The following ZNG1A variants were observed in gnomAD, a reference collection of about 807,000 sequenced individuals.
The protein encoded by ZNG1A is Zn regulated GTPase metalloprotein activator 1A, also known as zinc-regulated GTPase metalloprotein activator 1A.
the ZNG1A span, among the ~76,000 whole-genome samples, chr9:164,639 A>AATTCTGTC: frequency 6.7e-6 from 1 of 148,604 alleles, no homozygotes; most frequent in Admixed American, 6.7e-5. Context: ...TAATAAATTA[A>AATTCTGTC]AACTTGCTTT....
At chr9:175,504 T>G in the ZNG1A span, among the ~76,000 whole-genome samples, 2 of 149,548 alleles carry the variant, frequency 1.3e-5, no homozygotes, top group African/African-American at 2.5e-5. Context: ...TTATACAAAA[T>G]AAAATTTTAT....
the ZNG1A span, among the ~76,000 whole-genome samples, chr9:174,866 A>C: frequency 2.0e-5 from 3 of 150,768 alleles, no homozygotes; most frequent in Admixed American, 2.0e-4. Context: ...CTACAGTTTA[A>C]TATTTCAGTT....
At chr9:155,686 T>G in the ZNG1A span, among the ~76,000 whole-genome samples, 1 of 152,128 alleles carries the variant, frequency 6.6e-6, no homozygotes, top group East Asian at 1.9e-4. Context: ...TAAATTCACT[T>G]TAGTTCACTG....
the ZNG1A span, chr9:167,376 T>G: frequency 3.3e-5 from 5 of 150,704 alleles, 1 homozygote; most frequent in African/African-American, 1.2e-4. Flanking sequence ...CACTAGGAGA[T>G]TATGGAACAA....
the ZNG1A span, among the ~76,000 whole-genome samples, chr9:138,118 C>A: frequency 1.3e-5 from 2 of 151,934 alleles, no homozygotes; most frequent in African/African-American, 4.8e-5. Context: ...CTAAATGGAA[C>A]TAGAAAAGCA....
At chr9:156,777 C>A in the ZNG1A span, among the ~76,000 whole-genome samples, 1 of 151,152 alleles carries the variant, frequency 6.6e-6, no homozygotes, top group East Asian at 1.9e-4. Context: ...ATTTCATACT[C>A]CTGACCTTTT....
the ZNG1A span, chr9:153,998 C>T: frequency 6.6e-6 from 1 of 152,196 alleles, no homozygotes; most frequent in East Asian, 1.9e-4. Context: ...ACTATAACCT[C>T]ATTTGAAAAG....
the ZNG1A span, among the ~76,000 whole-genome samples, chr9:144,537 A>G: frequency 2.0e-5 from 3 of 152,116 alleles, no homozygotes; most frequent in Admixed American, 2.0e-4. Flanking sequence ...CCTTATACAA[A>G]AATCAATTCA....
chr9:170,633 G>T, the ZNG1A span, among the ~76,000 whole-genome samples: 1 of 147,078 alleles, frequency 6.8e-6, no homozygotes, highest in Non-Finnish European at 1.5e-5. Flanking sequence ...GGATCCACCT[G>T]CCTCAGCCTC....
At chr9:122,751 G>GAT in the ZNG1A span, 1 of 548,140 alleles carries the variant, frequency 1.8e-6, no homozygotes, top group East Asian at 1.1e-4. Flanking sequence ...ATACACTTTA[G>GAT]AATCACTGCT....
the ZNG1A span, chr9:151,304 C>T: frequency 4.1e-6 from 4 of 983,206 alleles, no homozygotes; most frequent in African/African-American, 5.3e-5. Flanking sequence ...AAGCCACTCA[C>T]CTAAGGCCTC....
the ZNG1A span, among the ~76,000 whole-genome samples, chr9:141,198 A>G: frequency 7.4e-6 from 1 of 136,048 alleles, no homozygotes; most frequent in African/African-American, 2.9e-5. Context: ...GAATGCCACA[A>G]AGATACTCCT....
chr9:165,054 A>G, the ZNG1A span, among the ~76,000 whole-genome samples: 1 of 152,238 alleles, frequency 6.6e-6, no homozygotes, highest in Non-Finnish European at 1.5e-5. Context: ...GGCTGAATCA[A>G]TGTCTGTTCT....
chr9:161,133 T>A, the ZNG1A span, among the ~76,000 whole-genome samples: 3 of 151,332 alleles, frequency 2.0e-5, no homozygotes, highest in Non-Finnish European at 4.4e-5. Context: ...CCTTAGAGCA[T>A]AATTTCAGCA....
At chr9:177,497 A>G in the ZNG1A span, among the ~76,000 whole-genome samples, 1 of 151,518 alleles carries the variant, frequency 6.6e-6, no homozygotes, top group Non-Finnish European at 1.5e-5. Flanking sequence ...GTGTGTAGCT[A>G]AAGATGGACA....
chr9:130,684 T>G, the ZNG1A span, among the ~76,000 whole-genome samples: 2 of 147,948 alleles, frequency 1.4e-5, no homozygotes, highest in African/African-American at 5.2e-5. Flanking sequence ...TCCACCCACC[T>G]TGGCCTGTCA....
chr9:138,382 T>A, the ZNG1A span, among the ~76,000 whole-genome samples: 2 of 123,268 alleles, frequency 1.6e-5, no homozygotes, highest in African/African-American at 6.4e-5. Flanking sequence ...AATCAATTTC[T>A]TTTTTCTTTC....
chr9:160,118 T>C, the ZNG1A span: 1 of 454,606 alleles, frequency 2.2e-6, no homozygotes, highest in Non-Finnish European at 4.4e-6. Flanking sequence ...AGAGCTGTCA[T>C]TTTAAGTTGT....
the ZNG1A span, among the ~76,000 whole-genome samples, chr9:152,554 A>G: frequency 6.6e-6 from 1 of 151,682 alleles, no homozygotes; most frequent in African/African-American, 2.4e-5. Flanking sequence ...TAGTATTCAC[A>G]GTAATTCTAA....
Sources: allele counts gnomAD v4.1 joint callset (sites outside exome capture counted in the v4.1 genomes callset), GRCh38; gene constraint gnomAD v4.1.1; transcripts MANE v1.5; gene names NCBI Gene and HGNC (gene_info 2026-07-23, HGNC 2026-07-21).